NCOA1: variants seen among roughly 807,000 people sequenced by gnomAD.
The protein encoded by NCOA1 is nuclear receptor coactivator 1.
In NCOA1, 35 loss-of-function variants were observed where a neutral mutation model predicts 150.9. The ratio of observed to expected loss-of-function variants is 0.23; its 90% CI spans 0.18 to 0.31. NCOA1 has a LOEUF of 0.31. Ranked by LOEUF, NCOA1 falls within the 10% of genes least tolerant of loss-of-function variation. The pLI is 1.00. For missense variants in NCOA1, 1,491 were observed against 1,749.3 expected, an observed-to-expected ratio of 0.85 and a Z score of 2.63; for synonymous variants, 590 against 630.0, an observed-to-expected ratio of 0.94 and a Z score of 0.95.
chr2:24,710,224 G>A (rs1273007953), intron 13 of NCOA1, among the ~76,000 whole-genome samples: 1 of 152,054 alleles, frequency 6.6e-6, no homozygotes, highest in Non-Finnish European at 1.5e-5. Flanking sequence ...CCCACTAGTA[G>A]CTGGAGTTAT....
chr2:24,752,148 A>C lies in NCOA1; in HGVS notation c.3873A>C (p.Gly1291=). ...DMKAWQQGAI[G]NNNVFSQAVQ... ...AGGCCTGGCAGCAAGGAGCGATAGG[A>C]AACAACAAGTAAGGGGGCAGTTTTT... Residue 1291 remains glycine, a synonymous_variant, in exon 20 of 23, where the codon GGA becomes GGC. Transcript: ENST00000348332. The C allele has an allele frequency of 6.2e-7, 1 of 1,613,816 alleles. No homozygotes were observed. The highest frequency in any genetic ancestry group is 1.1e-5 in the South Asian group (1 of 91,040).
intron 12 of NCOA1, 65 bp from the exon 13 acceptor site, chr2:24,706,503 A>G: frequency 6.8e-7 from 1 of 1,468,546 alleles, no homozygotes; most frequent in Non-Finnish European, 9.1e-7. Context: ...TAGAATATGT[A>G]TCATAAAAAT....
intron 14 of NCOA1, among the ~76,000 whole-genome samples, chr2:24,719,668 G>A (rs1470700039): frequency 2.6e-5 from 4 of 152,210 alleles, no homozygotes; most frequent in South Asian, 2.1e-4. Context: ...CAAAAGAGAC[G>A]GAGGAAGCAA....
chr2:24,537,081 C>T (rs746773846), intron 1 of NCOA1, among the ~76,000 whole-genome samples: 6 of 151,786 alleles, frequency 4.0e-5, no homozygotes, highest in Non-Finnish European at 7.4e-5. Flanking sequence ...CTATACAATT[C>T]GTCCATGTAA....
chr2:24,709,775 C>T (rs922994351), intron 13 of NCOA1, among the ~76,000 whole-genome samples: 4 of 152,172 alleles, frequency 2.6e-5, no homozygotes, highest in South Asian at 4.1e-4. Context: ...CTGGAAGCAA[C>T]CCAAAAATCC....
chr2:24,577,599 A>G (rs1667044278), intron 2 of NCOA1, among the ~76,000 whole-genome samples: 1 of 151,960 alleles, frequency 6.6e-6, no homozygotes, highest in Admixed American at 6.6e-5. Context: ...TTTTGGTTGA[A>G]CTCATGGTTT....
chr2:24,654,482 A>G (rs1169120680), intron 4 of NCOA1, among the ~76,000 whole-genome samples: 1 of 152,200 alleles, frequency 6.6e-6, no homozygotes, highest in Admixed American at 6.5e-5. Context: ...GGGATATCCA[A>G]ATGAAAACAT....
In NCOA1 at chr2:24,664,465, CTT is replaced by C. The variant is rs1404720139; in HGVS notation, c.90-1282_90-1281del. On this transcript the variant is annotated intron_variant, in intron 5 of 22. Transcript: ENST00000348332. ...GTAGCTCACGCCTATAATCCCAACA[CTT>C]TGGGAGGCTGAGACGGGCGGATCAT... Among the ~76,000 whole-genome samples, 3 of 152,272 alleles carry C rather than the reference CTT, an allele frequency of 2.0e-5. No homozygotes were observed. The East Asian group carries it at 5.8e-4, about 29-fold the overall frequency.
chr2:24,503,454 T>G (rs1663551800), intron 1 of NCOA1, among the ~76,000 whole-genome samples: 1 of 152,234 alleles, frequency 6.6e-6, no homozygotes, highest in East Asian at 1.9e-4. Context: ...CAACACAGTC[T>G]TCACAATAAA....
chr2:24,700,761 T>C (rs1166403763), intron 11 of NCOA1, among the ~76,000 whole-genome samples: 1 of 152,196 alleles, frequency 6.6e-6, no homozygotes, highest in Admixed American at 6.5e-5. Flanking sequence ...CCAAGGTCCC[T>C]GATAAGATAG....
In NCOA1 at chr2:24,707,418, A is replaced by G. The variant is rs1306868407; in HGVS notation, c.1948A>G (p.Ile650Val). Residue 650 changes from isoleucine to valine, a missense_variant, in exon 13 of 23, where the codon ATA becomes GTA. Transcript: ENST00000348332. ...CGAACAGCAGTTACGGCATGCTGAT[A>G]TAGACACAAGCTGCAAAGATGTCCT... is the stretch of plus-strand genomic sequence containing the variant. The part of the protein sequence containing the change: ...TAEQQLRHAD[I>V]DTSCKDVLSC... 9 of 1,614,102 alleles carry G rather than the reference A, an allele frequency of 5.6e-6. No homozygotes were observed. The highest frequency in any genetic ancestry group is 1.6e-4 in the Middle Eastern group (1 of 6,084).
At chr2:24,727,635 T>C (rs972877505) in intron 15 of NCOA1, among the ~76,000 whole-genome samples, 1 of 152,224 alleles carries the variant, frequency 6.6e-6, no homozygotes, top group Non-Finnish European at 1.5e-5. Flanking sequence ...AGAATGCTTA[T>C]AATTGTATTA....
chr2:24,697,901 T>C (rs1010851021), intron 11 of NCOA1, 103 bp downstream of exon 11: 5 of 1,256,528 alleles, frequency 4.0e-6, no homozygotes, highest in South Asian at 1.7e-5. Context: ...CTCCAAATTA[T>C]AGTTTTTGCA....
Position 24,758,222 on chromosome 2 carries a change from A to G in NCOA1, c.4065+66A>G, listed in dbSNP as rs758929095. The G allele has an allele frequency of 2.2e-5, 32 of 1,425,978 alleles. 1 individual carries two copies. The highest frequency in any genetic ancestry group is 1.1e-4 in the Admixed American group (5 of 46,890). The allele number at this position is 1,425,978 out of a possible 1,614,324, so 88.3% of individuals were successfully genotyped here. A position where few individuals can be genotyped will look rare whatever the true frequency, so the allele number is the denominator to read the frequency against. On this transcript the variant is annotated intron_variant, in intron 21 of 22. Coordinates refer to ENST00000348332, the MANE Select transcript of NCOA1 (RefSeq NM_003743.5). ...CAGTTAATTCTGAGGAAAATCAGGT[A>G]TGTTGACAGTTACTCATCAGAAATA... is the stretch of plus-strand genomic sequence containing the variant.
intron 3 of NCOA1, among the ~76,000 whole-genome samples, chr2:24,588,769 A>G (rs899366099): frequency 5.9e-5 from 9 of 152,160 alleles, no homozygotes; most frequent in African/African-American, 2.2e-4. Flanking sequence ...TTGAATGTCC[A>G]CTGTTAATCT....
rs201668820 is a variant in NCOA1 at position 24,707,194 on chromosome 2, T to C, written c.1724T>C (p.Ile575Thr). Residue 575 changes from isoleucine (I) to threonine (T), a missense_variant, in exon 13 of 23, where the codon ATA (isoleucine) becomes ACA (threonine). Around this residue, in one of 8 missense-constraint regions of NCOA1, gnomAD observed 703 missense variants for 717.7 expected, o/e 0.98. Transcript: ENST00000348332. Reference sequence around the variant, plus strand: ...CAGAATTCACCTAGCAGATTAAATATACAACCAGCAAAAGCTGAGTCCAAA... The same window carrying C: ...CAGAATTCACCTAGCAGATTAAATACACAACCAGCAAAAGCTGAGTCCAAA... ...SSQNSPSRLN[I>T]QPAKAESKDN... 82 of 1,614,204 alleles carry C rather than the reference T, an allele frequency of 5.1e-5. No homozygotes were observed. The Middle Eastern group carries it at 9.9e-4, about 19-fold the overall frequency.
chr2:24,691,748 G>A, intron 9 of NCOA1, 88 bp downstream of exon 9: 1 of 1,398,342 alleles, frequency 7.2e-7, no homozygotes, highest in Non-Finnish European at 9.8e-7. Flanking sequence ...GCCTTTTTCA[G>A]ATAGTATTTT....
chr2:24,614,199 CTT>C (rs869113477), intron 3 of NCOA1, among the ~76,000 whole-genome samples: 4 of 9,170 alleles, frequency 4.4e-4, no homozygotes, highest in Non-Finnish European at 8.0e-4. Context: ...CATTTCCATT[CTT>C]TTTTTTTTTT....
chr2:24,678,841 TC>T (rs1672035837), intron 7 of NCOA1, among the ~76,000 whole-genome samples: 1 of 152,264 alleles, frequency 6.6e-6, no homozygotes, highest in African/African-American at 2.4e-5. Context: ...GGTTGTTCAC[TC>T]TGATGATAGT....
Sources: gnomAD v4.1 joint callset for allele counts (sites outside exome capture counted in the v4.1 genomes callset) on GRCh38, gnomAD v4.1.1 for gene constraint, gnomAD v4.1.1 regional missense constraint, MANE v1.5 for transcripts, NCBI Gene and HGNC (gene_info 2026-07-23, HGNC 2026-07-21) for gene names.